Variants in TENM2 observed in about 807,000 individuals in gnomAD.
TENM2 encodes the protein teneurin transmembrane protein 2, also known as teneurin-2.
A neutral mutation model predicts 245.2 loss-of-function variants in TENM2; 52 were observed. The observed-to-expected ratio is 0.21, with a 90% CI of 0.17 to 0.27. The LOEUF (loss-of-function observed/expected upper bound fraction) is 0.27, where lower values mean the gene tolerates loss of function less well. TENM2 is among the 10% of genes least tolerant of loss of function. The pLI, the probability that TENM2 is intolerant of heterozygous loss-of-function variation, is 1.00. For missense variants in TENM2, 3,046 were observed against 3,666.8 expected, an observed-to-expected ratio of 0.83 and a Z score of 4.37; for synonymous variants, 1,363 against 1,438.9, an observed-to-expected ratio of 0.95 and a Z score of 1.19.
intron 2 of TENM2, among the ~76,000 whole-genome samples, chr5:167,484,774 C>T (rs1016142426): frequency 2.2e-4 from 34 of 152,156 alleles, no homozygotes; most frequent in Admixed American, 1.7e-3. Context: ...TGAATCAACT[C>T]ATAACATAGA....
intron 1 of TENM2, among the ~76,000 whole-genome samples, chr5:167,301,778 A>G (rs1050098833): frequency 6.6e-6 from 1 of 152,158 alleles, no homozygotes; most frequent in Non-Finnish European, 1.5e-5. Flanking sequence ...AAAAAGGAGC[A>G]TTAACCTTGA....
chr5:167,566,655 G>T (rs1030139250), intron 2 of TENM2, among the ~76,000 whole-genome samples: 5 of 152,128 alleles, frequency 3.3e-5, no homozygotes, highest in Non-Finnish European at 5.9e-5. Context: ...GCAACTTCTG[G>T]TTGGATGCTT....
chr5:168,168,429 T>C (rs1436581262), intron 13 of TENM2, among the ~76,000 whole-genome samples: 1 of 152,162 alleles, frequency 6.6e-6, no homozygotes, highest in East Asian at 1.9e-4. Flanking sequence ...CCCGTAATCC[T>C]AACACTTTGG....
intron 1 of TENM2, among the ~76,000 whole-genome samples, chr5:167,361,759 A>C (rs925604689): frequency 6.6e-6 from 1 of 152,204 alleles, no homozygotes; most frequent in Non-Finnish European, 1.5e-5. Flanking sequence ...TGAAATCCTC[A>C]TGAAGCTGTT....
intron 4 of TENM2, 144 bp downstream of exon 6, chr5:167,952,966 C>G (rs192467057): frequency 1.5e-6 from 1 of 679,310 alleles, no homozygotes; most frequent in African/African-American, 1.8e-5. Context: ...CCTCCTTGTT[C>G]CCTTGGTAAT....
At chr5:167,254,545 T>C in the TENM2 span, among the ~76,000 whole-genome samples, 30 of 152,168 alleles carry the variant, frequency 2.0e-4, no homozygotes, top group Non-Finnish European at 4.1e-4. Context: ...TCTTGTAGTC[T>C]GCAAGTATTT....
At chr5:168,159,647 A>T (rs1757564857) in intron 12 of TENM2, among the ~76,000 whole-genome samples, 1 of 152,190 alleles carries the variant, frequency 6.6e-6, no homozygotes, top group Admixed American at 6.5e-5. Context: ...CCATGCACCT[A>T]CCAGGGCTGT....
chr5:168,180,661 C>T (rs1759786428), intron 13 of TENM2, among the ~76,000 whole-genome samples: 1 of 152,114 alleles, frequency 6.6e-6, no homozygotes, highest in African/African-American at 2.4e-5. Flanking sequence ...TTTGGGAGGC[C>T]AAGGCGGGTG....
intron 2 of TENM2, among the ~76,000 whole-genome samples, chr5:167,410,042 T>C (rs894164097): frequency 6.6e-6 from 1 of 152,032 alleles, no homozygotes; most frequent in African/African-American, 2.4e-5. Context: ...GCTTCATTGC[T>C]TTAGCATGAA....
chr5:167,492,795 G>A (rs1009569307), intron 2 of TENM2, among the ~76,000 whole-genome samples: 1 of 152,004 alleles, frequency 6.6e-6, no homozygotes, highest in African/African-American at 2.4e-5. Flanking sequence ...GCCATGATAG[G>A]GAATAGAAAT....
intron 2 of TENM2, among the ~76,000 whole-genome samples, chr5:167,628,469 C>T (rs1167913496): frequency 1.3e-5 from 2 of 152,198 alleles, no homozygotes; most frequent in African/African-American, 4.8e-5. Flanking sequence ...TTGACTCCTC[C>T]TTCTTCATGA....
intron 2 of TENM2, among the ~76,000 whole-genome samples, chr5:167,404,298 CT>C (rs1762515049): frequency 6.6e-6 from 1 of 151,826 alleles, no homozygotes; most frequent in African/African-American, 2.4e-5. Flanking sequence ...GTGCATTTCC[CT>C]GAGAAAAAAA....
At position 167,816,814 on chromosome 5, in the gene TENM2, A is replaced by G. The variant is rs905717246; in HGVS notation, c.503-59172A>G. ...AAAGTACAAATGGCCCAGCAAAGTC[A>G]GAATGACCCGGGTGAAGTACACCTT... On this transcript the variant is annotated intron_variant, in intron 2 of 28. Coordinates refer to ENST00000518659, the Ensembl canonical transcript of TENM2. Among the ~76,000 whole-genome samples, 7 of 150,558 alleles carry G rather than the reference A, an allele frequency of 4.6e-5. No homozygotes were observed. In the East Asian group the frequency reaches 1.4e-3, roughly 29 times the overall value.
At chr5:167,329,551 C>CAAAA (rs34165505) in intron 1 of TENM2, among the ~76,000 whole-genome samples, 3,956 of 21,956 alleles carry the variant, frequency 0.18, 1,030 homozygotes, top group Non-Finnish European at 0.24. Flanking sequence ...GACTCAGTCT[C>CAAAA]AAAAAAAAAA....
At chr5:168,074,462 T>A (rs1222856430) in intron 7 of TENM2, among the ~76,000 whole-genome samples, 1 of 152,144 alleles carries the variant, frequency 6.6e-6, no homozygotes, top group African/African-American at 2.4e-5. Flanking sequence ...TCCACTGGCC[T>A]CCCGTCATGC....
At chr5:167,019,421 A>G in the TENM2 span, among the ~76,000 whole-genome samples, 1 of 152,150 alleles carries the variant, frequency 6.6e-6, no homozygotes, top group Non-Finnish European at 1.5e-5. Flanking sequence ...GGACCTGTTC[A>G]TGGAGGTAAA....
intron 2 of TENM2, among the ~76,000 whole-genome samples, chr5:167,836,368 C>A (rs1768987333): frequency 6.6e-6 from 1 of 152,172 alleles, no homozygotes; most frequent in Non-Finnish European, 1.5e-5. Flanking sequence ...TCCAGGAACT[C>A]ACACTGGAAA....
intron 24 of TENM2, among the ~76,000 whole-genome samples, chr5:168,226,971 G>T (rs552606915): frequency 6.6e-6 from 1 of 152,152 alleles, no homozygotes; most frequent in African/African-American, 2.4e-5. Context: ...ATCCCACAGC[G>T]GAGCCTGTTT....
At chr5:167,077,138 T>A in the TENM2 span, among the ~76,000 whole-genome samples, 2 of 152,220 alleles carry the variant, frequency 1.3e-5, no homozygotes, top group African/African-American at 2.4e-5. Flanking sequence ...AACTGTTTTT[T>A]AAACTACACT....
Sources: gnomAD v4.1 joint callset for allele counts (sites outside exome capture counted in the v4.1 genomes callset) on GRCh38, gnomAD v4.1.1 for gene constraint, MANE v1.5 for transcripts, NCBI Gene and HGNC (gene_info 2026-07-23, HGNC 2026-07-21) for gene names.